LRFN5: variants seen among roughly 807,000 people sequenced by gnomAD.
LRFN5 encodes leucine-rich repeat and fibronectin type-III domain-containing protein 5.
In LRFN5, 24 loss-of-function variants were observed where a neutral mutation model predicts 45.6. That is an observed-to-expected ratio of 0.53 (90% CI 0.38 to 0.74). The LOEUF (loss-of-function observed/expected upper bound fraction) is 0.74. Ranked by LOEUF, LRFN5 falls within the 30% of genes least tolerant of loss-of-function variation. The pLI is 0.00. For synonymous variants in LRFN5, 340 were observed against 313.8 expected (o/e 1.08, Z -0.88); for missense variants, 776 against 861.5 (o/e 0.90, Z 1.24).
At chr14:41,813,953 A>G (rs1209504999) in intron 2 of LRFN5, among the ~76,000 whole-genome samples, 2 of 152,128 alleles carry the variant, frequency 1.3e-5, no homozygotes, top group Non-Finnish European at 2.9e-5. Context: ...GGCCACATAA[A>G]TGTCTTCTTC....
intron 1 of LRFN5, among the ~76,000 whole-genome samples, chr14:41,673,722 C>A (rs1215521862): frequency 7.2e-6 from 1 of 139,078 alleles, no homozygotes; most frequent in African/African-American, 2.7e-5. Context: ...GGCAGAGGGG[C>A]TCCTCACTTC....
chr14:41,892,405 C>T (rs1356042424), intron 4 of LRFN5: 1 of 984,892 alleles, frequency 1.0e-6, no homozygotes, highest in Admixed American at 6.2e-5. Flanking sequence ...CAGTGCCTTT[C>T]CCTATTCTAG....
intron 1 of LRFN5, among the ~76,000 whole-genome samples, chr14:41,664,392 T>C (rs1880799753): frequency 6.6e-6 from 1 of 152,074 alleles, no homozygotes; most frequent in African/African-American, 2.4e-5. Flanking sequence ...TGACAATTTT[T>C]CTTGGTGGTA....
chr14:41,634,230 G>A (rs1888649896), intron 1 of LRFN5, among the ~76,000 whole-genome samples: 1 of 152,086 alleles, frequency 6.6e-6, no homozygotes, highest in Admixed American at 6.6e-5. Flanking sequence ...TTAGATCTGT[G>A]TGAATCACCA....
chr14:41,743,182 C>T lies in LRFN5; in HGVS notation c.-196-23672C>T, dbSNP rs186544922. On this transcript the variant is annotated intron_variant, in intron 1 of 5. Transcript: ENST00000298119. ...TGAGGAAATTTTGATTTCATTGAAA[C>T]ATTTCATGTTGTGCATTTTTTTATA... 5.3e-4 allele frequency among the ~76,000 whole-genome samples: 80 copies of T among 152,254 alleles called. No homozygotes were observed. In the East Asian group the frequency reaches 0.015, roughly 29 times the overall value.
At chr14:41,681,769 T>C (rs1337274076) in intron 1 of LRFN5, among the ~76,000 whole-genome samples, 1 of 151,546 alleles carries the variant, frequency 6.6e-6, no homozygotes, top group African/African-American at 2.4e-5. Context: ...AACTGTGATA[T>C]ATAAACTACT....
At chr14:41,656,901 C>A (rs549126511) in intron 1 of LRFN5, among the ~76,000 whole-genome samples, 11 of 151,866 alleles carry the variant, frequency 7.2e-5, no homozygotes, top group Non-Finnish European at 1.2e-4. Flanking sequence ...GTAGCATTAT[C>A]TGTTATTTGT....
chr14:41,655,441 G>T (rs1414900922), intron 1 of LRFN5, among the ~76,000 whole-genome samples: 1 of 152,098 alleles, frequency 6.6e-6, no homozygotes, highest in African/African-American at 2.4e-5. Flanking sequence ...TTTAGGACAA[G>T]CAGCTAGATT....
At chr14:41,756,420 A>T (rs10135180) in intron 1 of LRFN5, among the ~76,000 whole-genome samples, 1 of 152,038 alleles carries the variant, frequency 6.6e-6, no homozygotes, top group Non-Finnish European at 1.5e-5. Context: ...CGTAGATTTG[A>T]CCTTTTCACA....
intron 2 of LRFN5, among the ~76,000 whole-genome samples, chr14:41,877,404 G>C (rs959375627): frequency 1.5e-4 from 23 of 152,108 alleles, no homozygotes; most frequent in Non-Finnish European, 3.1e-4. Context: ...ATATCTACAA[G>C]TTAGAGAAGG....
At chr14:41,818,832 A>G (rs1888013528) in intron 2 of LRFN5, among the ~76,000 whole-genome samples, 2 of 152,126 alleles carry the variant, frequency 1.3e-5, no homozygotes, top group African/African-American at 2.4e-5. Flanking sequence ...TAGTGTATCT[A>G]TCACCTGAAT....
chr14:41,818,929 T>C (rs1316403552), intron 2 of LRFN5, among the ~76,000 whole-genome samples: 1 of 152,110 alleles, frequency 6.6e-6, no homozygotes, highest in Non-Finnish European at 1.5e-5. Context: ...TATCTATTAT[T>C]CCACTCTGTA....
chr14:41,803,974 GTGTCTC>G (rs1194490856), intron 2 of LRFN5, among the ~76,000 whole-genome samples: 1 of 152,044 alleles, frequency 6.6e-6, no homozygotes, highest in Non-Finnish European at 1.5e-5. Context: ...GGTGATTCTT[GTGTCTC>G]AGCCTTCTGA....
intron 1 of LRFN5, among the ~76,000 whole-genome samples, chr14:41,724,137 G>C (rs1283689639): frequency 3.3e-5 from 5 of 152,172 alleles, no homozygotes; most frequent in Non-Finnish European, 5.9e-5. Flanking sequence ...CATGGGGTCT[G>C]TCTACCCATC....
chr14:41,644,855 C>T (rs937443364), intron 1 of LRFN5, among the ~76,000 whole-genome samples: 1 of 152,152 alleles, frequency 6.6e-6, no homozygotes, highest in African/African-American at 2.4e-5. Flanking sequence ...GCAAAGAACA[C>T]AAGATCAGAG....
In LRFN5 at chr14:41,891,694, G is replaced by A; in HGVS notation, c.1830G>A (p.Val610=). The A allele has an allele frequency of 6.2e-7, 1 of 1,614,196 alleles. No individual in the cohort carries two copies. The highest frequency in any genetic ancestry group is 8.5e-7 in the Non-Finnish European group (1 of 1,180,034). The part of the protein sequence containing the change: ...AQCCKATSDN[V]IQSSETCSSQ... ...GTTGTAAAGCTACCAGTGACAATGTGATTCAATCTTCAGAAACTTGTTCGA... is the reference window on the plus strand; with the variant it reads ...GTTGTAAAGCTACCAGTGACAATGTAATTCAATCTTCAGAAACTTGTTCGA... Residue 610 remains valine, a synonymous_variant, in exon 4 of 6, where the codon GTG becomes GTA. Transcript: ENST00000298119.
intron 2 of LRFN5, among the ~76,000 whole-genome samples, chr14:41,830,603 A>T (rs1888444479): frequency 6.6e-6 from 1 of 152,198 alleles, no homozygotes; most frequent in Non-Finnish European, 1.5e-5. Context: ...ATAGGAGATG[A>T]AGTCCAGAAA....
At chr14:41,795,859 G>A (rs1594716981) in intron 2 of LRFN5, among the ~76,000 whole-genome samples, 1 of 151,852 alleles carries the variant, frequency 6.6e-6, no homozygotes, top group East Asian at 1.9e-4. Context: ...ACACCAACAT[G>A]GCACATGTAT....
chr14:41,842,301 G>T (rs540790151), intron 2 of LRFN5, among the ~76,000 whole-genome samples: 2 of 152,116 alleles, frequency 1.3e-5, no homozygotes, highest in East Asian at 3.9e-4. Context: ...TGGATACATC[G>T]TTAAATAGAC....
Sources: gnomAD v4.1 joint callset for allele counts (sites outside exome capture counted in the v4.1 genomes callset) on GRCh38, gnomAD v4.1.1 for gene constraint, MANE v1.5 for transcripts, NCBI Gene and HGNC (gene_info 2026-07-23, HGNC 2026-07-21) for gene names.